The following CCSER2 variants were observed in gnomAD, a reference collection of about 807,000 sequenced individuals.
CCSER2 encodes the protein serine-rich coiled-coil domain-containing protein 2.
In CCSER2, 46 loss-of-function variants were observed where a neutral mutation model predicts 92.3. That is an observed-to-expected ratio of 0.50 (90% CI 0.39 to 0.64). CCSER2 has a LOEUF of 0.64. Among genes scored for constraint, CCSER2 ranks in the 30% least tolerant of loss-of-function variants. The pLI is 0.00. For synonymous variants in CCSER2, 433 were observed against 431.4 expected, an observed-to-expected ratio of 1.00 and a Z score of -0.04; for missense variants, 1,244 against 1,238.9, an observed-to-expected ratio of 1.00 and a Z score of -0.06.
At chr10:84,390,887 C>A in intron 3 of CCSER2, 1 of 687,982 alleles carries the variant, frequency 1.5e-6, no homozygotes, top group South Asian at 1.5e-5. Context: ...AAGACCTTAA[C>A]ATGTATCTGG....
chr10:84,424,749 A>T (rs1025024414), intron 4 of CCSER2, among the ~76,000 whole-genome samples: 1 of 151,894 alleles, frequency 6.6e-6, no homozygotes, highest in East Asian at 1.9e-4. Context: ...GAACTTTCTC[A>T]TGTAGTAGTT....
intron 9 of CCSER2, among the ~76,000 whole-genome samples, chr10:84,502,363 ACTT>A (rs1180947695): frequency 2.3e-5 from 3 of 129,310 alleles, no homozygotes; most frequent in African/African-American, 5.4e-5. Flanking sequence ...TTCTTTGATG[ACTT>A]CTTTTTTTTT....
rs1458190511 is a variant in CCSER2 at position 84,373,626 on chromosome 10, T to G, written c.1425T>G (p.Ser475Arg). 6.2e-7 allele frequency: 1 copy of G among 1,608,776 alleles called. No homozygotes were observed. Among genetic ancestry groups the G allele is most frequent in the East Asian group, 2.2e-5 (1 of 44,754 alleles). ...EWIDISVSDR[S>R]ECTKHTSGNN... Reference sequence around the variant, plus strand: ...ACCTTTTTTCTCTTGAAGACAGGAGTGAATGTACAAAACATACTTCTGGGA... The same window carrying G: ...ACCTTTTTTCTCTTGAAGACAGGAGGGAATGTACAAAACATACTTCTGGGA... The change falls in exon 3 of 10, where the codon AGT becomes AGG. Residue 475 changes from serine (S) to arginine (R), a missense_variant. Coordinates refer to ENST00000372088, the MANE Select transcript of CCSER2 (RefSeq NM_001284240.2).
chr10:84,460,352 G>A lies in CCSER2; in HGVS notation c.2065-3581G>A, dbSNP rs146712940. On this transcript the variant is annotated intron_variant, in intron 6 of 9. Coordinates refer to ENST00000372088, the MANE Select transcript of CCSER2 (RefSeq NM_001284240.2). ...CTCCTGACCTCAGGTGATCCCCCCC[G>A]TCTTGGCCTCCCAAAGTGCTGGGAT... is the stretch of plus-strand genomic sequence containing the variant. 6.3e-3 allele frequency among the ~76,000 whole-genome samples: 929 copies of A among 148,374 alleles called. 12 individuals are homozygous for A. The highest frequency in any genetic ancestry group is 0.022 in the African/African-American group (898 of 40,112).
In CCSER2 at chr10:84,513,525, G is replaced by T. The variant is rs200882277; in HGVS notation, c.2402G>T (p.Arg801Leu). Residue 801 changes from arginine to leucine, a missense_variant, in exon 10 of 10, where the codon CGT becomes CTT. Physicochemically the swap from Arg to Leu is moderately radical, Grantham distance 102. Transcript: ENST00000372088. ...CAGGGAAAACTAATAAAGCCACAAC[G>T]TATCGAGGCCCGCAGTGAATGCTCA... ...HTQGKLIKPQRIEARSECSIQ... is the reference protein window; with the variant it reads ...HTQGKLIKPQLIEARSECSIQ... 25 of 1,614,054 alleles carry T rather than the reference G, an allele frequency of 1.5e-5. No homozygotes were observed. In the African/African-American group the frequency reaches 2.0e-4, roughly 13 times the overall value.
intron 1 of CCSER2, among the ~76,000 whole-genome samples, chr10:84,330,091 A>T (rs1843476484): frequency 6.6e-6 from 1 of 152,198 alleles, no homozygotes; most frequent in Non-Finnish European, 1.5e-5. Context: ...TCAGACCTGC[A>T]TTTTTTGTTG....
chr10:84,455,652 G>A (rs1013522505), intron 6 of CCSER2: 2 of 675,834 alleles, frequency 3.0e-6, no homozygotes, highest in South Asian at 1.4e-5. Context: ...ACAGAAATGA[G>A]TTTCAGGAGA....
chr10:84,416,824 G>T (rs544819427), intron 3 of CCSER2, among the ~76,000 whole-genome samples: 1 of 152,108 alleles, frequency 6.6e-6, no homozygotes, highest in African/African-American at 2.4e-5. Context: ...CCAGCTACTC[G>T]GGAGGCTGAG....
At chr10:84,459,092 C>T (rs1340386719) in intron 6 of CCSER2, among the ~76,000 whole-genome samples, 2 of 152,134 alleles carry the variant, frequency 1.3e-5, no homozygotes, top group African/African-American at 4.8e-5. Flanking sequence ...ACTGCAACCC[C>T]TGCTTCCTGG....
chr10:84,365,015 T>C (rs1845707541), intron 1 of CCSER2, among the ~76,000 whole-genome samples: 1 of 152,104 alleles, frequency 6.6e-6, no homozygotes, highest in African/African-American at 2.4e-5. Flanking sequence ...GTGCTGGGAT[T>C]ATAGGCGTGA....
intron 3 of CCSER2, among the ~76,000 whole-genome samples, chr10:84,403,688 T>C (rs1353825396): frequency 6.6e-6 from 1 of 152,234 alleles, no homozygotes; most frequent in Non-Finnish European, 1.5e-5. Flanking sequence ...ACATTCATCA[T>C]AATTAACCCT....
At chr10:84,374,019 C>A in intron 3 of CCSER2, 2 of 1,130,696 alleles carry the variant, frequency 1.8e-6, no homozygotes, top group Non-Finnish European at 2.4e-6. Context: ...CTTAAATATA[C>A]TCAACATGTT....
At chr10:84,466,594 T>TC (rs1250070964) in intron 7 of CCSER2, among the ~76,000 whole-genome samples, 3 of 151,690 alleles carry the variant, frequency 2.0e-5, no homozygotes, top group Non-Finnish European at 4.4e-5. Context: ...AAGCTCCACT[T>TC]CCTGGGTTCA....
At chr10:84,501,533 C>T (rs1419318596) in intron 9 of CCSER2, among the ~76,000 whole-genome samples, 2 of 151,810 alleles carry the variant, frequency 1.3e-5, no homozygotes, top group Non-Finnish European at 2.9e-5. Context: ...ACATGTTTAT[C>T]AGAAATACCC....
At chr10:84,448,314 A>G (rs768314888) in intron 6 of CCSER2, among the ~76,000 whole-genome samples, 2 of 152,124 alleles carry the variant, frequency 1.3e-5, no homozygotes, top group Admixed American at 6.5e-5. Context: ...GCTGCTGATT[A>G]TGCACATACA....
intron 4 of CCSER2, among the ~76,000 whole-genome samples, chr10:84,422,732 T>C (rs4934010): frequency 0.21 from 31,865 of 151,994 alleles, 3,600 homozygotes; most frequent in Admixed American, 0.34. Flanking sequence ...TCTTTCTTAA[T>C]CTTATCTGTC....
chr10:84,474,426 C>T (rs183814169), intron 8 of CCSER2, among the ~76,000 whole-genome samples: 145 of 152,040 alleles, frequency 9.5e-4, no homozygotes, highest in African/African-American at 3.2e-3. Context: ...TTTAGGAGGC[C>T]GAGGCAGGCA....
At chr10:84,496,366 A>G (rs1223976050) in intron 9 of CCSER2, among the ~76,000 whole-genome samples, 1 of 151,924 alleles carries the variant, frequency 6.6e-6, no homozygotes, top group Non-Finnish European at 1.5e-5. Context: ...GCTCACAGCA[A>G]GCTCCGCCTC....
At chr10:84,401,367 G>A (rs777703776) in intron 3 of CCSER2, among the ~76,000 whole-genome samples, 8 of 152,100 alleles carry the variant, frequency 5.3e-5, no homozygotes, top group Non-Finnish European at 1.0e-4. Flanking sequence ...AAAAGATACC[G>A]CTACAAACTC....
Sources: gnomAD v4.1 joint callset for allele counts (sites outside exome capture counted in the v4.1 genomes callset) on GRCh38, gnomAD v4.1.1 for gene constraint, MANE v1.5 for transcripts, NCBI Gene and HGNC (gene_info 2026-07-23, HGNC 2026-07-21) for gene names.